Variants in GLI2 observed in about 807,000 individuals in gnomAD.
GLI2 encodes the protein transcription activator GLI2.
A neutral mutation model predicts 78.9 loss-of-function variants in GLI2; 22 were observed. The ratio of observed to expected loss-of-function variants is 0.28; its 90% confidence interval spans 0.20 to 0.40. The LOEUF (loss-of-function observed/expected upper bound fraction) is 0.40, where lower values mean the gene tolerates loss of function less well. Among genes scored for constraint, GLI2 ranks in the 10% least tolerant of loss-of-function variants. The pLI, the probability that GLI2 is intolerant of heterozygous loss-of-function variation, is 1.00. For missense variants in GLI2, 2,097 were observed against 2,213.2 expected (o/e 0.95, Z 1.05); for synonymous variants, 974 against 963.7 (o/e 1.01, Z -0.20).
At chr2:120,860,069 T>C (rs1366417915) in intron 2 of GLI2, among the ~76,000 whole-genome samples, 1 of 152,200 alleles carries the variant, frequency 6.6e-6, no homozygotes, top group African/African-American at 2.4e-5. Flanking sequence ...CCAGAGGTCA[T>C]GGTGGTGGTC....
At chr2:120,774,840 C>T (rs1174918887) in intron 1 of GLI2, among the ~76,000 whole-genome samples, 2 of 152,186 alleles carry the variant, frequency 1.3e-5, no homozygotes, top group Non-Finnish European at 2.9e-5. Context: ...TTGCCTGAGA[C>T]CTTTGCTTCC....
intron 1 of GLI2, among the ~76,000 whole-genome samples, chr2:120,793,594 C>G (rs1175051097): frequency 6.6e-6 from 1 of 152,202 alleles, no homozygotes; most frequent in African/African-American, 2.4e-5. Context: ...AGCCTCTTGG[C>G]TCTGTGTACT....
In GLI2 at chr2:120,737,598, C is replaced by T. The variant is rs906170058; in HGVS notation, c.-31+1313C>T. Reference sequence around the variant, plus strand: ...CTCGGTGCGCGACCTCTGGCACGGGCTTTGCAGCTCGGTGGCCGCAGCGGT... The same window carrying T: ...CTCGGTGCGCGACCTCTGGCACGGGTTTTGCAGCTCGGTGGCCGCAGCGGT... On this transcript the variant is annotated intron_variant, in intron 1 of 13. Coordinates refer to ENST00000361492, the MANE Select transcript of GLI2 (RefSeq NM_001374353.1). The surrounding 1 kb of genome is among the most constrained non-coding windows in gnomAD (Gnocchi z 4.3). Among the ~76,000 whole-genome samples the T allele has an allele frequency of 1.3e-5, 2 of 152,212 alleles. No individual in the cohort carries two copies. Among genetic ancestry groups the T allele is most frequent in the Non-Finnish European group, 2.9e-5 (2 of 68,044 alleles).
At chr2:120,857,329 C>T (rs1320176063) in intron 2 of GLI2, among the ~76,000 whole-genome samples, 1 of 150,136 alleles carries the variant, frequency 6.7e-6, no homozygotes, top group Non-Finnish European at 1.5e-5. Context: ...ATTTGCCCAC[C>T]CACCTACCCA....
At chr2:120,910,300 G>T (rs1003056169) in intron 2 of GLI2, among the ~76,000 whole-genome samples, 1 of 152,190 alleles carries the variant, frequency 6.6e-6, no homozygotes, top group Admixed American at 6.5e-5. Flanking sequence ...CGGTCTGTCA[G>T]GGCTTCTTGC....
intron 5 of GLI2, among the ~76,000 whole-genome samples, chr2:120,965,067 T>C (rs1681774308): frequency 6.6e-6 from 1 of 152,242 alleles, no homozygotes; most frequent in Non-Finnish European, 1.5e-5. Flanking sequence ...CACTGGGTCA[T>C]TATTTGCATA....
intron 2 of GLI2, among the ~76,000 whole-genome samples, chr2:120,850,356 CGAA>C (rs1265511412): frequency 2.0e-5 from 3 of 152,118 alleles, no homozygotes; most frequent in Admixed American, 2.0e-4. Flanking sequence ...CATCTACAAA[CGAA>C]GGAGGACTAA....
intron 3 of GLI2, among the ~76,000 whole-genome samples, chr2:120,945,037 T>C (rs1176661257): frequency 6.6e-6 from 1 of 152,112 alleles, no homozygotes; most frequent in African/African-American, 2.4e-5. Context: ...TGAAATCCCA[T>C]CCAAGGGCTT....
At chr2:120,773,370 G>A (rs1683577031) in intron 1 of GLI2, among the ~76,000 whole-genome samples, 1 of 152,076 alleles carries the variant, frequency 6.6e-6, no homozygotes, top group South Asian at 2.1e-4. Flanking sequence ...CAGTGTGAGG[G>A]GGAAGAATCC....
At chr2:120,834,883 C>T (rs1487046646) in intron 2 of GLI2, among the ~76,000 whole-genome samples, 1 of 152,024 alleles carries the variant, frequency 6.6e-6, no homozygotes, top group Non-Finnish European at 1.5e-5. Context: ...TTCTGGTGCA[C>T]TCCTCATGTG....
intron 3 of GLI2, among the ~76,000 whole-genome samples, chr2:120,930,261 T>C (rs1321938561): frequency 3.3e-5 from 5 of 152,218 alleles, no homozygotes; most frequent in Non-Finnish European, 7.3e-5. Context: ...TAACTGACCT[T>C]GTGAACCGGC....
At chr2:120,920,206 G>A (rs945817624) in intron 2 of GLI2, among the ~76,000 whole-genome samples, 1 of 152,262 alleles carries the variant, frequency 6.6e-6, no homozygotes, top group Non-Finnish European at 1.5e-5. Flanking sequence ...CCTGGGAGGT[G>A]GCTGCTTTCA....
Position 120,988,534 on chromosome 2 carries a change from G to T in GLI2, c.2569G>T (p.Gly857Cys), listed in dbSNP as rs749232196. ...CTCGAGCGAGGCCAGCCAGTGCAGC[G>T]GCGGCTCCGGGCTGCTCAACCTCAC... is the stretch of plus-strand genomic sequence containing the variant. ...RRSSEASQCSGGSGLLNLTPA... is the reference protein window; with the variant it reads ...RRSSEASQCSCGSGLLNLTPA... Residue 857 changes from glycine (G) to cysteine (C), a missense_variant, in exon 14 of 14, where the codon GGC becomes TGC. By Grantham distance (159) the Gly-to-Cys change is radical. Transcript: ENST00000361492. The T allele has an allele frequency of 1.3e-5, 20 of 1,503,788 alleles. No individual in the cohort carries two copies. The highest frequency in any genetic ancestry group is 1.8e-5 in the Non-Finnish European group (20 of 1,133,734). The allele number at this position is 1,503,788 out of a possible 1,614,324, so 93.2% of individuals were successfully genotyped here.
chr2:120,925,701 G>A (rs1416309946), intron 2 of GLI2, among the ~76,000 whole-genome samples: 1 of 152,192 alleles, frequency 6.6e-6, no homozygotes, highest in Non-Finnish European at 1.5e-5. Context: ...CAGAGTTTCA[G>A]TTGTGGAGAT....
At chr2:120,783,173 A>G (rs765311252) in intron 1 of GLI2, among the ~76,000 whole-genome samples, 29 of 152,170 alleles carry the variant, frequency 1.9e-4, no homozygotes, top group Non-Finnish European at 3.8e-4. Context: ...GGCTCCCAGT[A>G]ATGACCTTGC....
At chr2:120,862,438 C>T (rs759563793) in intron 2 of GLI2, among the ~76,000 whole-genome samples, 1 of 152,192 alleles carries the variant, frequency 6.6e-6, no homozygotes, top group Non-Finnish European at 1.5e-5. Context: ...TGGGTTATGT[C>T]TGCCCTGCCA....
chr2:120,950,010 C>G (rs1680901063), intron 3 of GLI2, among the ~76,000 whole-genome samples: 1 of 152,242 alleles, frequency 6.6e-6, no homozygotes, highest in Non-Finnish European at 1.5e-5. Context: ...GGGAGGGCCT[C>G]CCGGGCAATG....
intron 7 of GLI2, among the ~76,000 whole-genome samples, chr2:120,970,979 A>G (rs1682138640): frequency 6.6e-6 from 1 of 152,194 alleles, no homozygotes; most frequent in Admixed American, 6.5e-5. Flanking sequence ...GCTTTCACAC[A>G]CTGCCTCATT....
chr2:120,890,070 C>T (rs1043297544), intron 2 of GLI2, among the ~76,000 whole-genome samples: 20 of 152,284 alleles, frequency 1.3e-4, no homozygotes, highest in South Asian at 4.1e-4. Flanking sequence ...GATGTCTTTT[C>T]GTGGTCGAGT....
Sources: gnomAD v4.1 joint callset for allele counts (sites outside exome capture counted in the v4.1 genomes callset) on GRCh38, gnomAD v4.1.1 for gene constraint, Gnocchi (gnomAD v3.1) non-coding constraint, MANE v1.5 for transcripts, NCBI Gene and HGNC (gene_info 2026-07-23, HGNC 2026-07-21) for gene names.